Variants in PDGFRL observed in about 807,000 individuals in gnomAD.
PDGFRL encodes the protein platelet-derived growth factor receptor-like protein.
Under a neutral mutation model 37.2 loss-of-function variants are expected in PDGFRL, and 46 were observed. The observed-to-expected ratio is 1.24, with a 90% CI of 0.98 to 1.58. The LOEUF (loss-of-function observed/expected upper bound fraction) is 1.58, where lower values mean the gene tolerates loss of function less well. Among genes scored for constraint, PDGFRL ranks in the 40% most tolerant of loss-of-function variants. The probability of loss-of-function intolerance (pLI) is 0.00; values close to 1 mark genes in which losing one functional copy is unlikely to be tolerated. For synonymous variants in PDGFRL, 251 were observed against 184.3 expected, an observed-to-expected ratio of 1.36 and a Z score of -2.93; for missense variants, 692 against 467.6, an observed-to-expected ratio of 1.48 and a Z score of -4.43.
intron 3 of PDGFRL, among the ~76,000 whole-genome samples, chr8:17,628,046 T>C (rs1585330192): frequency 7.3e-6 from 1 of 137,264 alleles, no homozygotes; most frequent in South Asian, 2.3e-4. Flanking sequence ...CAGGCTGGAG[T>C]GCAGTGGCGC....
intron 2 of PDGFRL, among the ~76,000 whole-genome samples, chr8:17,598,245 G>T (rs957482131): frequency 6.6e-6 from 1 of 152,234 alleles, no homozygotes; most frequent in Non-Finnish European, 1.5e-5. Context: ...CAGCAAAGTG[G>T]TGTGTGATCA....
In PDGFRL at chr8:17,585,961, C is replaced by CT. The variant is rs772612222; in HGVS notation, c.56-3499dup. On this transcript the variant is annotated intron_variant, in intron 1 of 5. Coordinates refer to ENST00000251630, the MANE Select transcript of PDGFRL (RefSeq NM_001372073.1). ...GTTTTGGGGTTTTTGTCTGTTTTTT[C>CT]TTTTTTTTGAGACAGAGTCTCACTC... 6.4e-3 allele frequency among the ~76,000 whole-genome samples: 954 copies of CT among 149,646 alleles called. 12 individuals are homozygous for CT. The highest frequency in any genetic ancestry group is 0.023 in the African/African-American group (918 of 40,754).
chr8:17,609,910 A>T (rs1420747072), intron 2 of PDGFRL, among the ~76,000 whole-genome samples: 1 of 152,156 alleles, frequency 6.6e-6, no homozygotes, highest in African/African-American at 2.4e-5. Flanking sequence ...TTCTGATGTT[A>T]CTCAGAAGAT....
At chr8:17,622,223 T>C (rs759902020) in intron 3 of PDGFRL, among the ~76,000 whole-genome samples, 1 of 152,230 alleles carries the variant, frequency 6.6e-6, no homozygotes, top group African/African-American at 2.4e-5. Context: ...TTCTGAAGTT[T>C]AGGGGATGAA....
intron 2 of PDGFRL, among the ~76,000 whole-genome samples, chr8:17,607,390 C>T (rs1015137780): frequency 5.9e-5 from 9 of 152,268 alleles, no homozygotes; most frequent in African/African-American, 1.9e-4. Context: ...TTTCTACCTA[C>T]ACCAAATATG....
intron 2 of PDGFRL, among the ~76,000 whole-genome samples, chr8:17,598,617 T>C (rs549893788): frequency 1.3e-5 from 2 of 152,320 alleles, no homozygotes; most frequent in South Asian, 2.1e-4. Context: ...CAACAAAGTA[T>C]TAATGTATTT....
At chr8:17,594,123 G>C (rs34679041) in intron 2 of PDGFRL, among the ~76,000 whole-genome samples, 1 of 149,974 alleles carries the variant, frequency 6.7e-6, no homozygotes, top group East Asian at 1.9e-4. Context: ...CAGCGTATTT[G>C]TTTTTTTTGT....
At chr8:17,619,301 T>C (rs1180982158) in intron 2 of PDGFRL, among the ~76,000 whole-genome samples, 36 of 152,198 alleles carry the variant, frequency 2.4e-4, no homozygotes, top group Admixed American at 2.3e-3. Context: ...ATCTGATACA[T>C]CTGGATTTGT....
chr8:17,619,859 G>A lies in PDGFRL; in HGVS notation c.354-1192G>A, dbSNP rs572297346. 3.9e-5 allele frequency among the ~76,000 whole-genome samples: 6 copies of A among 152,258 alleles called. No homozygotes were observed. The South Asian group carries it at 1.2e-3, about 32-fold the overall frequency. On this transcript the variant is annotated intron_variant, in intron 2 of 5. Coordinates refer to ENST00000251630, the MANE Select transcript of PDGFRL (RefSeq NM_001372073.1). ...TTACTTAAGGAAACCGCAGGTCTGA[G>A]GACAATTACATTCTCCAAGAAGAGG...
chr8:17,616,169 A>ATTATTTAT (rs58323480), intron 2 of PDGFRL, among the ~76,000 whole-genome samples: 11,042 of 144,140 alleles, frequency 0.077, 596 homozygotes, highest in East Asian at 0.28. Flanking sequence ...TATTATTGTT[A>ATTATTTAT]TTATTTATTT....
chr8:17,599,101 C>G (rs13261739), intron 2 of PDGFRL, among the ~76,000 whole-genome samples: 15,408 of 152,208 alleles, frequency 0.1, 916 homozygotes, highest in Non-Finnish European at 0.13. Context: ...CCCTCTTTAT[C>G]CACATTGCAC....
At chr8:17,629,147 C>G (rs1171848255) in intron 4 of PDGFRL, among the ~76,000 whole-genome samples, 1 of 143,286 alleles carries the variant, frequency 7.0e-6, no homozygotes, top group Non-Finnish European at 1.5e-5. Context: ...CTGGGCTGGT[C>G]TCGACCTCCT....
At chr8:17,583,730 G>A (rs567670726) in intron 1 of PDGFRL, among the ~76,000 whole-genome samples, 8 of 152,104 alleles carry the variant, frequency 5.3e-5, no homozygotes, top group East Asian at 1.9e-4. Context: ...AACTAATAGC[G>A]TGAGTTCTTG....
intron 1 of PDGFRL, among the ~76,000 whole-genome samples, chr8:17,580,959 G>A (rs547532048): frequency 1.1e-4 from 1 of 9,518 alleles, no homozygotes; most frequent in South Asian, 2.1e-3. Context: ...ATTTTCATAC[G>A]TGTGTGTGTG....
intron 1 of PDGFRL, among the ~76,000 whole-genome samples, chr8:17,586,673 T>A (rs1417190151): frequency 1.3e-5 from 2 of 151,980 alleles, no homozygotes; most frequent in Non-Finnish European, 2.9e-5. Flanking sequence ...TAGCTAGCAA[T>A]CACTTACTGT....
At chr8:17,586,940 C>G (rs1163200257) in intron 1 of PDGFRL, among the ~76,000 whole-genome samples, 1 of 152,150 alleles carries the variant, frequency 6.6e-6, no homozygotes, top group Non-Finnish European at 1.5e-5. Context: ...ATGCAATAGT[C>G]TCAAAAATTC....
Position 17,639,435 on chromosome 8 carries a change from A to G in PDGFRL, c.940-3178A>G, listed in dbSNP as rs1282751573. 7.2e-5 allele frequency among the ~76,000 whole-genome samples: 11 copies of G among 152,266 alleles called. No homozygotes were observed. In the East Asian group the frequency reaches 2.1e-3, roughly 29 times the overall value. ...ATTTCAAGGATTTGTTTCAATATTT[A>G]GTGCTCCTTTTAGCATTTCTTACAG... On this transcript the variant is annotated intron_variant, in intron 5 of 5. Transcript: ENST00000251630.
intron 1 of PDGFRL, among the ~76,000 whole-genome samples, chr8:17,586,352 CCAGCAT>C (rs1014615032): frequency 4.6e-5 from 7 of 152,270 alleles, no homozygotes; most frequent in African/African-American, 1.7e-4. Flanking sequence ...GCTGTCATCC[CCAGCAT>C]CAGGTTCTGT....
chr8:17,621,034 G>T lies in PDGFRL; in HGVS notation c.354-17G>T, dbSNP rs776379257. 4 of 1,576,678 alleles carry T rather than the reference G, an allele frequency of 2.5e-6. No individual in the cohort carries two copies. The highest frequency in any genetic ancestry group is 3.5e-6 in the Non-Finnish European group (4 of 1,154,306). On this transcript the variant is annotated splice_polypyrimidine_tract_variant and intron_variant, in intron 2 of 5. Transcript: ENST00000251630. Reference sequence around the variant, plus strand: ...CAGGTCTGACTTGCTTTGAGTTCATGTGTCTTTTATTCCTAGCGTCAAGCA... The same window carrying T: ...CAGGTCTGACTTGCTTTGAGTTCATTTGTCTTTTATTCCTAGCGTCAAGCA...
Sources: allele counts gnomAD v4.1 joint callset (sites outside exome capture counted in the v4.1 genomes callset), GRCh38; gene constraint gnomAD v4.1.1; transcripts MANE v1.5; gene names NCBI Gene and HGNC (gene_info 2026-07-23, HGNC 2026-07-21).